Variants in WDR27 observed in about 807,000 individuals in gnomAD.
WDR27 encodes the protein WD repeat-containing protein 27.
WDR27 carries 100 observed loss-of-function variants against 114.4 expected under a neutral mutation model. The observed-to-expected ratio is 0.87, with a 90% CI of 0.74 to 1.03. WDR27 has a LOEUF of 1.03. Among genes scored for constraint, WDR27 ranks in the 50% least tolerant of loss-of-function variants. The pLI, the probability that WDR27 is intolerant of heterozygous loss-of-function variation, is 0.00. For synonymous variants in WDR27, 449 were observed against 423.1 expected, an observed-to-expected ratio of 1.06 and a Z score of -0.75; for missense variants, 1,129 against 1,092.9, an observed-to-expected ratio of 1.03 and a Z score of -0.47.
chr6:169,678,376 G>T (rs1217225388), intron 2 of WDR27, among the ~76,000 whole-genome samples: 1 of 152,218 alleles, frequency 6.6e-6, no homozygotes, highest in Non-Finnish European at 1.5e-5. Context: ...TTTCAGACTT[G>T]CATGGGGCCT....
At chr6:169,550,361 C>G (rs193055164) in intron 25 of WDR27, among the ~76,000 whole-genome samples, 2 of 152,252 alleles carry the variant, frequency 1.3e-5, no homozygotes, top group East Asian at 1.9e-4. Flanking sequence ...CCCACAGATC[C>G]AGTTAATGCT....
intron 21 of WDR27, among the ~76,000 whole-genome samples, chr6:169,626,490 T>A (rs572363856): frequency 6.6e-6 from 1 of 152,122 alleles, no homozygotes; most frequent in African/African-American, 2.4e-5. Flanking sequence ...GGTGCAGCTG[T>A]CCCCTCCTCC....
At chr6:169,510,012 C>CA (rs1481613078) in intron 25 of WDR27, among the ~76,000 whole-genome samples, 1 of 152,042 alleles carries the variant, frequency 6.6e-6, no homozygotes, top group Non-Finnish European at 1.5e-5. Flanking sequence ...TTTATGCAGC[C>CA]AAAAAACACA....
chr6:169,698,974 G>T (rs1787053242), intron 1 of WDR27, among the ~76,000 whole-genome samples: 1 of 152,226 alleles, frequency 6.6e-6, no homozygotes, highest in African/African-American at 2.4e-5. Flanking sequence ...GTAGGATGTT[G>T]CTGAGTGACT....
chr6:169,667,231 C>A, intron 5 of WDR27, 44 bp from the exon 6 acceptor site: 1 of 1,445,218 alleles, frequency 6.9e-7, no homozygotes, highest in Non-Finnish European at 9.1e-7. Context: ...AACAACGTTG[C>A]CATTATTGCA....
chr6:169,637,692 T>G (rs1817983741), intron 18 of WDR27, among the ~76,000 whole-genome samples: 1 of 151,992 alleles, frequency 6.6e-6, no homozygotes. Flanking sequence ...AGTGTGTGTA[T>G]GCGTATGCAT....
chr6:169,486,991 G>A (rs1329610049), intron 25 of WDR27, among the ~76,000 whole-genome samples: 2 of 152,160 alleles, frequency 1.3e-5, no homozygotes, highest in Non-Finnish European at 2.9e-5. Flanking sequence ...AAGTCCTGGT[G>A]CCCATGGGTA....
At chr6:169,621,334 ACG>A (rs1200363573) in intron 21 of WDR27, among the ~76,000 whole-genome samples, 4 of 64,730 alleles carry the variant, frequency 6.2e-5, no homozygotes, top group Non-Finnish European at 1.1e-4. Flanking sequence ...ACATATACAT[ACG>A]CACACACATG....
At chr6:169,648,513 G>A (rs1342038747) in intron 15 of WDR27, among the ~76,000 whole-genome samples, 5 of 152,252 alleles carry the variant, frequency 3.3e-5, no homozygotes, top group East Asian at 1.9e-4. Flanking sequence ...CTGCAAGCAC[G>A]TGCGTAATAT....
chr6:169,580,883 C>A, intron 24 of WDR27, among the ~76,000 whole-genome samples: 1 of 147,508 alleles, frequency 6.8e-6, no homozygotes, highest in African/African-American at 2.5e-5. Context: ...AGGAACCAGC[C>A]AAATTTTTAA....
At chr6:169,448,870 C>T in the WDR27 span, among the ~76,000 whole-genome samples, 61 of 152,148 alleles carry the variant, frequency 4.0e-4, no homozygotes, top group Non-Finnish European at 7.3e-4. Flanking sequence ...GAGCAGAGCC[C>T]GGCCCACCCT....
rs1778410132 is a variant in WDR27 at position 169,670,472 on chromosome 6, A to C, written c.456+97T>G. 13 of 1,413,698 alleles carry C rather than the reference A, an allele frequency of 9.2e-6. No homozygotes were observed. The South Asian group carries it at 1.5e-4, about 16-fold the overall frequency. The allele number at this position is 1,413,698 out of a possible 1,614,324, so 87.6% of individuals were successfully genotyped here. A position where few individuals can be genotyped will look rare whatever the true frequency, so the allele number is the denominator to read the frequency against. On this transcript the variant is annotated intron_variant, in intron 4 of 25. Transcript: ENST00000448612. ...AGATATAGCTTAAAAAAAAAGGAGT[A>C]CAGGAAAAAAGAAAAGACCGCTGGG... is the stretch of plus-strand genomic sequence containing the variant.
chr6:169,620,740 A>G (rs915717761), intron 21 of WDR27, among the ~76,000 whole-genome samples: 2 of 152,196 alleles, frequency 1.3e-5, no homozygotes, highest in Non-Finnish European at 2.9e-5. Context: ...AACCTTGGTG[A>G]AATAAACTTT....
intron 16 of WDR27, among the ~76,000 whole-genome samples, chr6:169,646,554 C>T (rs576300834): frequency 6.6e-6 from 1 of 152,198 alleles, no homozygotes; most frequent in African/African-American, 2.4e-5. Flanking sequence ...TTGAGGCCAG[C>T]GTGGCCAACA....
intron 23 of WDR27, among the ~76,000 whole-genome samples, chr6:169,600,564 G>GA (rs975687688): frequency 2.0e-5 from 3 of 151,960 alleles, no homozygotes; most frequent in African/African-American, 4.8e-5. Flanking sequence ...TAAAAACCTT[G>GA]AAAAAAAATT....
intron 24 of WDR27, among the ~76,000 whole-genome samples, chr6:169,575,451 T>A (rs1182882918): frequency 6.6e-6 from 1 of 151,612 alleles, no homozygotes; most frequent in African/African-American, 2.4e-5. Context: ...CTGATTCCGT[T>A]TCTCTGCAAA....
At chr6:169,591,732 T>G (rs1370124809) in intron 23 of WDR27, among the ~76,000 whole-genome samples, 1 of 152,002 alleles carries the variant, frequency 6.6e-6, no homozygotes, top group African/African-American at 2.4e-5. Context: ...ACGGCACAGG[T>G]GTGGTGCTGC....
intron 25 of WDR27, among the ~76,000 whole-genome samples, chr6:169,556,685 CAT>C (rs1473390978): frequency 6.6e-6 from 1 of 151,938 alleles, no homozygotes; most frequent in Non-Finnish European, 1.5e-5. Flanking sequence ...ATAAGCAACC[CAT>C]AGATTAGGGG....
At chr6:169,534,332 C>G (rs889776753) in intron 25 of WDR27, among the ~76,000 whole-genome samples, 3 of 152,140 alleles carry the variant, frequency 2.0e-5, no homozygotes, top group African/African-American at 7.2e-5. Context: ...TCACAGAAAA[C>G]ATTGGTCTTG....
Sources: allele counts gnomAD v4.1 joint callset (sites outside exome capture counted in the v4.1 genomes callset), GRCh38; gene constraint gnomAD v4.1.1; transcripts MANE v1.5; gene names NCBI Gene and HGNC (gene_info 2026-07-23, HGNC 2026-07-21).